NT5C2: variants seen among roughly 807,000 people sequenced by gnomAD.
NT5C2 encodes 5'-nucleotidase, cytosolic II.
NT5C2 carries 58 observed loss-of-function variants against 76.1 expected under a neutral mutation model. That is an observed-to-expected ratio of 0.76 (90% CI 0.62 to 0.95). The LOEUF (loss-of-function observed/expected upper bound fraction) is 0.95. Ranked by LOEUF, NT5C2 falls within the 40% of genes least tolerant of loss-of-function variation. NT5C2 has a pLI of 0.00. For synonymous variants in NT5C2, 229 were observed against 237.4 expected, an observed-to-expected ratio of 0.96 and a Z score of 0.32; for missense variants, 478 against 690.3, an observed-to-expected ratio of 0.69 and a Z score of 3.45.
chr10:103,143,910 G>A (rs756862556), intron 3 of NT5C2, among the ~76,000 whole-genome samples: 10 of 152,096 alleles, frequency 6.6e-5, no homozygotes, highest in African/African-American at 9.6e-5. Flanking sequence ...AACTGAGATC[G>A]TGCCACTGCA....
intron 6 of NT5C2, among the ~76,000 whole-genome samples, chr10:103,103,009 A>G (rs1018532835): frequency 1.3e-5 from 2 of 152,172 alleles, no homozygotes; most frequent in African/African-American, 4.8e-5. Flanking sequence ...TTAAAAGAAA[A>G]AAGCCAGTGA....
intron 3 of NT5C2, among the ~76,000 whole-genome samples, chr10:103,148,942 C>G (rs1045834281): frequency 6.6e-6 from 1 of 152,140 alleles, no homozygotes; most frequent in Non-Finnish European, 1.5e-5. Flanking sequence ...AAGGGATATA[C>G]TCATAATATG....
At chr10:103,114,426 TA>T (rs1183596843) in intron 4 of NT5C2, among the ~76,000 whole-genome samples, 1 of 151,476 alleles carries the variant, frequency 6.6e-6, no homozygotes, top group African/African-American at 2.4e-5. Context: ...AATAAATAAA[TA>T]AAAAATAAAA....
Position 103,093,999 on chromosome 10 carries a change from G to A in NT5C2, c.961C>T (p.Leu321=). Residue 321 remains leucine, a synonymous_variant, in exon 14 of 19, where the codon CTA becomes TTA. Transcript: ENST00000404739. The part of the protein sequence containing the change: ...KLKIGTYTGP[L]QHGIVYSGGS... ...CCTGAGTAGACGATACCATGCTGTA[G>A]GGGCCCTGTGTAGGTACCAATTTTC... 1 of 1,613,846 alleles carries A rather than the reference G, an allele frequency of 6.2e-7. No individual in the cohort carries two copies. The highest frequency in any genetic ancestry group is 8.5e-7 in the Non-Finnish European group (1 of 1,179,762).
chr10:103,168,000 C>T (rs1020940576), intron 3 of NT5C2, among the ~76,000 whole-genome samples: 1 of 151,960 alleles, frequency 6.6e-6, no homozygotes, highest in African/African-American at 2.4e-5. Flanking sequence ...AATTCCTTTT[C>T]ACTCCTTAAA....
rs558008073 is a variant in NT5C2, at chr10:103,155,499, T to C, written c.102-16020A>G. ...AAGCTCTTAATCACCAGGCTAAAAG[T>C]ATTAGCAGCAGGCTAAGAGGAAAAG... On this transcript the variant is annotated intron_variant, in intron 3 of 18. Transcript: ENST00000404739. Among the ~76,000 whole-genome samples, 16 of 152,226 alleles carry C rather than the reference T, an allele frequency of 1.1e-4. No homozygotes were observed. The South Asian group carries it at 1.5e-3, about 14-fold the overall frequency.
chr10:103,117,916 A>T (rs1042149895), intron 4 of NT5C2, among the ~76,000 whole-genome samples: 2 of 152,192 alleles, frequency 1.3e-5, no homozygotes, highest in African/African-American at 2.4e-5. Context: ...AAAAAAAAGT[A>T]TGACTATGTA....
At chr10:103,170,074 C>T (rs1167681437) in intron 3 of NT5C2, among the ~76,000 whole-genome samples, 1 of 152,088 alleles carries the variant, frequency 6.6e-6, no homozygotes, top group Non-Finnish European at 1.5e-5. Flanking sequence ...TTGCAGTGAG[C>T]CAAGATCATG....
intron 3 of NT5C2, among the ~76,000 whole-genome samples, chr10:103,155,950 G>A (rs920705989): frequency 1.8e-4 from 28 of 152,072 alleles, no homozygotes; most frequent in Admixed American, 6.6e-5. Context: ...GACTGCTTGA[G>A]GCCAAGAGTT....
At chr10:103,181,891 C>T (rs904082171) in intron 1 of NT5C2, among the ~76,000 whole-genome samples, 1 of 151,928 alleles carries the variant, frequency 6.6e-6, no homozygotes. Context: ...CCTGTAGTCC[C>T]AGCTACTCGA....
At chr10:103,172,855 C>G (rs1298170483) in intron 3 of NT5C2, among the ~76,000 whole-genome samples, 1 of 151,960 alleles carries the variant, frequency 6.6e-6, no homozygotes, top group African/African-American at 2.4e-5. Flanking sequence ...CAAAAAAATA[C>G]AAAAATTAGT....
intron 1 of NT5C2, among the ~76,000 whole-genome samples, chr10:103,192,704 C>G (rs2092726017): frequency 6.6e-6 from 1 of 152,168 alleles, no homozygotes; most frequent in Non-Finnish European, 1.5e-5. Context: ...TGGCGCTCCA[C>G]CAGAGGCCCC....
intron 4 of NT5C2, among the ~76,000 whole-genome samples, chr10:103,132,607 G>A (rs766653451): frequency 4.6e-5 from 7 of 151,926 alleles, no homozygotes; most frequent in Non-Finnish European, 7.4e-5. Context: ...GCACAGTGGC[G>A]CGATCTCGGC....
intron 3 of NT5C2, among the ~76,000 whole-genome samples, chr10:103,170,005 A>G (rs1227933336): frequency 6.6e-6 from 1 of 152,106 alleles, no homozygotes; most frequent in Non-Finnish European, 1.5e-5. Context: ...GCCTATAATC[A>G]CAGCTACTCC....
rs1416617895 is a variant in NT5C2 at position 103,167,569 on chromosome 10, C to G, written c.101+7289G>C. Among the ~76,000 whole-genome samples the G allele has an allele frequency of 2.0e-5, 3 of 152,032 alleles. No individual in the cohort carries two copies. The East Asian group carries it at 5.8e-4, about 29-fold the overall frequency. On this transcript the variant is annotated intron_variant, in intron 3 of 18. Coordinates refer to ENST00000404739, the MANE Select transcript of NT5C2 (RefSeq NM_001351169.2). ...AATTGATCAACCTGGCAGTCTCTAT[C>G]TACATATAACCTGATACCTGTTTTT...
At chr10:103,186,092 A>T (rs2091978700) in intron 1 of NT5C2, among the ~76,000 whole-genome samples, 1 of 152,238 alleles carries the variant, frequency 6.6e-6, no homozygotes, top group Non-Finnish European at 1.5e-5. Context: ...AAGAGAAGTT[A>T]GATAATTTGA....
intron 3 of NT5C2, among the ~76,000 whole-genome samples, chr10:103,160,965 G>A (rs1045135336): frequency 2.0e-5 from 3 of 152,022 alleles, no homozygotes; most frequent in Admixed American, 6.6e-5. Context: ...ACCTGAGATC[G>A]TGCCACACTG....
At chr10:103,182,870 T>C (rs1016532349) in intron 1 of NT5C2, among the ~76,000 whole-genome samples, 27 of 152,206 alleles carry the variant, frequency 1.8e-4, no homozygotes, top group African/African-American at 6.5e-4. Context: ...TCCATTTGTA[T>C]GCCTCATATT....
At position 103,100,637 on chromosome 10, in the gene NT5C2, C is replaced by T. The variant is rs553675060; in HGVS notation, c.539+408G>A. On this transcript the variant is annotated intron_variant, in intron 8 of 18. Transcript: ENST00000404739. ...TATTTATTCCTTAATCAAATCTTGCCTGGCCTGGGAATGAAATTAAATTAC... is the reference window on the plus strand; with the variant it reads ...TATTTATTCCTTAATCAAATCTTGCTTGGCCTGGGAATGAAATTAAATTAC... 9.8e-4 allele frequency: 454 copies of T among 464,948 alleles called. 2 individuals are homozygous for T. The highest frequency in any genetic ancestry group is 8.1e-3 in the African/African-American group (410 of 50,524). 28.8% of individuals were successfully genotyped at this position (464,948 alleles called of 1,614,324 possible).
Sources: allele counts gnomAD v4.1 joint callset (sites outside exome capture counted in the v4.1 genomes callset), GRCh38; gene constraint gnomAD v4.1.1; transcripts MANE v1.5; gene names NCBI Gene and HGNC (gene_info 2026-07-23, HGNC 2026-07-21).